KHDRBS2: variants seen among roughly 807,000 people sequenced by gnomAD.
KHDRBS2 encodes the protein KH domain-containing, RNA-binding, signal transduction-associated protein 2.
In KHDRBS2, 26 loss-of-function variants were observed where a neutral mutation model predicts 44.3. The ratio of observed to expected loss-of-function variants is 0.59; its 90% confidence interval spans 0.43 to 0.81. The LOEUF is 0.81. KHDRBS2 is among the 40% of genes least tolerant of loss of function. The pLI is 0.00. For synonymous variants in KHDRBS2, 194 were observed against 151.1 expected (o/e 1.28, Z -2.08); for missense variants, 476 against 433.1 (o/e 1.10, Z -0.88).
At chr6:62,051,139 A>G (rs1247912666) in intron 2 of KHDRBS2, among the ~76,000 whole-genome samples, 2 of 152,064 alleles carry the variant, frequency 1.3e-5, no homozygotes, top group African/African-American at 4.8e-5. Flanking sequence ...AAGCGGCATG[A>G]AGGAAATATC....
At chr6:61,993,339 C>T (rs1562600071) in intron 3 of KHDRBS2, among the ~76,000 whole-genome samples, 2 of 151,952 alleles carry the variant, frequency 1.3e-5, no homozygotes, top group Non-Finnish European at 2.9e-5. Context: ...AGGGCTTAGA[C>T]TCGCTCTTTC....
At chr6:61,745,448 G>T (rs550178313) in intron 6 of KHDRBS2, among the ~76,000 whole-genome samples, 1 of 152,190 alleles carries the variant, frequency 6.6e-6, no homozygotes, top group African/African-American at 2.4e-5. Context: ...GTTTGCTAAT[G>T]GATCTATTTT....
intron 2 of KHDRBS2, among the ~76,000 whole-genome samples, chr6:62,108,482 C>T (rs983692010): frequency 3.9e-5 from 6 of 152,098 alleles, no homozygotes; most frequent in Admixed American, 1.3e-4. Context: ...AATAGGAACA[C>T]TTTTACACTG....
At chr6:61,838,057 T>C (rs1793002451) in intron 6 of KHDRBS2, among the ~76,000 whole-genome samples, 2 of 152,038 alleles carry the variant, frequency 1.3e-5, no homozygotes, top group African/African-American at 2.4e-5. Flanking sequence ...AAGGAAGACA[T>C]TCTGGAAAAA....
chr6:61,815,318 A>T (rs1788747019), intron 6 of KHDRBS2, among the ~76,000 whole-genome samples: 4 of 152,216 alleles, frequency 2.6e-5, no homozygotes, highest in Middle Eastern at 6.8e-3. Context: ...AACTTAACAA[A>T]TTTTTTATTT....
At chr6:61,893,355 T>C (rs1031576966) in intron 6 of KHDRBS2, among the ~76,000 whole-genome samples, 1 of 152,152 alleles carries the variant, frequency 6.6e-6, no homozygotes, top group African/African-American at 2.4e-5. Context: ...TCCTCAGGGA[T>C]CTAGAACTAG....
At chr6:61,893,333 T>C (rs1387379632) in intron 6 of KHDRBS2, among the ~76,000 whole-genome samples, 1 of 152,172 alleles carries the variant, frequency 6.6e-6, no homozygotes, top group Non-Finnish European at 1.5e-5. Context: ...TTGTGGAAGT[T>C]GGTGTGGCCA....
intron 6 of KHDRBS2, among the ~76,000 whole-genome samples, chr6:61,738,116 C>A (rs1362686787): frequency 6.6e-6 from 1 of 151,930 alleles, no homozygotes; most frequent in Non-Finnish European, 1.5e-5. Context: ...ACATTACTTT[C>A]TTATCATGTC....
At chr6:62,137,515 A>G (rs1465114168) in intron 2 of KHDRBS2, among the ~76,000 whole-genome samples, 1 of 152,214 alleles carries the variant, frequency 6.6e-6, no homozygotes, top group East Asian at 1.9e-4. Flanking sequence ...TATAAATCAA[A>G]AAGCATTGCA....
At chr6:62,159,718 GTATGT>G (rs767398464) in intron 2 of KHDRBS2, among the ~76,000 whole-genome samples, 5 of 152,020 alleles carry the variant, frequency 3.3e-5, no homozygotes, top group African/African-American at 1.2e-4. Flanking sequence ...CACATATTTT[GTATGT>G]TATATGTATT....
At chr6:61,780,546 A>AG (rs1782781793) in intron 6 of KHDRBS2, among the ~76,000 whole-genome samples, 1 of 151,800 alleles carries the variant, frequency 6.6e-6, no homozygotes, top group South Asian at 2.1e-4. Context: ...AACAGCAAAA[A>AG]ACACTTGCTG....
intron 6 of KHDRBS2, among the ~76,000 whole-genome samples, chr6:61,750,774 A>AAC (rs1554189849): frequency 2.0e-5 from 3 of 151,918 alleles, no homozygotes; most frequent in Non-Finnish European, 2.9e-5. Flanking sequence ...AAAAAAAAAA[A>AAC]AAACATCTAG....
chr6:61,964,079 C>G (rs1455823398), intron 4 of KHDRBS2, among the ~76,000 whole-genome samples: 1 of 151,944 alleles, frequency 6.6e-6, no homozygotes, highest in Non-Finnish European at 1.5e-5. Flanking sequence ...GAATATATCA[C>G]AGTACAAAAT....
intron 6 of KHDRBS2, among the ~76,000 whole-genome samples, chr6:61,861,713 T>C (rs527798710): frequency 6.7e-4 from 102 of 151,932 alleles, no homozygotes; most frequent in African/African-American, 2.3e-3. Flanking sequence ...TGGAGTTCCA[T>C]ATGAATTTTA....
intron 1 of KHDRBS2, among the ~76,000 whole-genome samples, chr6:62,179,575 T>C (rs1448645940): frequency 6.6e-6 from 1 of 151,806 alleles, no homozygotes; most frequent in Non-Finnish European, 1.5e-5. Context: ...TCATACTTTG[T>C]AGCTTGCTGA....
At chr6:61,977,928 T>G in intron 4 of KHDRBS2, 138 bp downstream of exon 4, 1 of 688,678 alleles carries the variant, frequency 1.5e-6, no homozygotes, top group African/African-American at 1.9e-5. Context: ...TATTTTATTT[T>G]TTAGCTTTGT....
intron 3 of KHDRBS2, among the ~76,000 whole-genome samples, chr6:62,033,932 G>C (rs1031245609): frequency 6.6e-6 from 1 of 151,366 alleles, no homozygotes; most frequent in East Asian, 1.9e-4. Flanking sequence ...TTTAGAAAGA[G>C]AGAGAGAGAG....
chr6:62,016,317 C>T (rs184491537), intron 3 of KHDRBS2, among the ~76,000 whole-genome samples: 87 of 151,832 alleles, frequency 5.7e-4, no homozygotes, highest in African/African-American at 2.0e-3. Flanking sequence ...TTATCTAGTA[C>T]AGAAAATTTA....
intron 6 of KHDRBS2, among the ~76,000 whole-genome samples, chr6:61,743,777 C>T (rs1011783112): frequency 2.1e-5 from 3 of 142,664 alleles, no homozygotes; most frequent in Non-Finnish European, 3.0e-5. Flanking sequence ...GCTATCCCCC[C>T]CCTCCCCCCA....
Sources: allele counts gnomAD v4.1 joint callset (sites outside exome capture counted in the v4.1 genomes callset), GRCh38; gene constraint gnomAD v4.1.1; transcripts MANE v1.5; gene names NCBI Gene and HGNC (gene_info 2026-07-23, HGNC 2026-07-21).